The following MACROD2 variants were observed in gnomAD, a reference collection of about 807,000 sequenced individuals.
The protein encoded by MACROD2 is mono-ADP ribosylhydrolase 2, also known as ADP-ribose glycohydrolase MACROD2.
Under a neutral mutation model 70.4 loss-of-function variants are expected in MACROD2, and 36 were observed. That is an observed-to-expected ratio of 0.51 (90% confidence interval 0.39 to 0.68). MACROD2 has a LOEUF of 0.68. Ranked by LOEUF, MACROD2 falls within the 30% of genes least tolerant of loss-of-function variation. MACROD2 has a pLI of 0.00. For synonymous variants in MACROD2, 172 were observed against 178.8 expected (o/e 0.96, Z 0.30); for missense variants, 496 against 538.4 (o/e 0.92, Z 0.78).
intron 2 of MACROD2, among the ~76,000 whole-genome samples, chr20:14,021,697 A>G (rs2053083579): frequency 6.6e-6 from 1 of 152,230 alleles, no homozygotes. Context: ...GGCTAGAACT[A>G]GGTGATATAA....
At chr20:15,353,250 C>T (rs1325621630) in intron 6 of MACROD2, among the ~76,000 whole-genome samples, 5 of 150,416 alleles carry the variant, frequency 3.3e-5, no homozygotes, top group Admixed American at 6.7e-5. Context: ...CAAGAAATGG[C>T]GAAAGGATTC....
At chr20:15,016,152 C>A (rs1192270341) in intron 5 of MACROD2, among the ~76,000 whole-genome samples, 1 of 152,166 alleles carries the variant, frequency 6.6e-6, no homozygotes, top group Non-Finnish European at 1.5e-5. Flanking sequence ...AAGGACAGTT[C>A]ACTTTCTGGG....
chr20:14,090,833 T>C (rs1212932683), intron 3 of MACROD2, among the ~76,000 whole-genome samples: 1 of 152,290 alleles, frequency 6.6e-6, no homozygotes, highest in South Asian at 2.1e-4. Flanking sequence ...GGAACCTCCA[T>C]GGTGTTTTCC....
chr20:15,519,969 GA>G (rs1310402996), intron 8 of MACROD2, among the ~76,000 whole-genome samples: 1 of 152,232 alleles, frequency 6.6e-6, no homozygotes, highest in Non-Finnish European at 1.5e-5. Flanking sequence ...GAGAAGCCTA[GA>G]ACTCCATGCG....
At chr20:15,800,810 A>G (rs905720202) in intron 8 of MACROD2, among the ~76,000 whole-genome samples, 1 of 151,958 alleles carries the variant, frequency 6.6e-6, no homozygotes, top group African/African-American at 2.4e-5. Context: ...AGAAAGAGGT[A>G]GACATGGGAG....
intron 5 of MACROD2, among the ~76,000 whole-genome samples, chr20:14,819,009 A>C (rs955608384): frequency 6.6e-6 from 1 of 151,794 alleles, no homozygotes; most frequent in South Asian, 2.1e-4. Context: ...TCATGCCTGC[A>C]ATCCCAGCAC....
intron 6 of MACROD2, among the ~76,000 whole-genome samples, chr20:15,261,714 A>C (rs992721089): frequency 2.6e-5 from 4 of 151,958 alleles, no homozygotes; most frequent in Admixed American, 2.0e-4. Flanking sequence ...AAATTTGAAC[A>C]ATATTATATT....
intron 6 of MACROD2, 126 bp from the exon 7 acceptor site, chr20:15,431,279 A>AT: frequency 2.5e-6 from 2 of 784,996 alleles, no homozygotes; most frequent in Non-Finnish European, 4.3e-6. Flanking sequence ...CCCCTACTCC[A>AT]ACTCATAGCT....
intron 2 of MACROD2, among the ~76,000 whole-genome samples, chr20:14,080,518 C>CT (rs1401015687): frequency 6.7e-6 from 1 of 149,958 alleles, no homozygotes; most frequent in Non-Finnish European, 1.5e-5. Context: ...TCAAAAAGGC[C>CT]TAAGTGGTCA....
intron 3 of MACROD2, among the ~76,000 whole-genome samples, chr20:14,413,062 A>G (rs1012332042): frequency 6.6e-6 from 1 of 152,154 alleles, no homozygotes; most frequent in African/African-American, 2.4e-5. Flanking sequence ...AAATCTAGCC[A>G]TAGCCTACTA....
chr20:16,044,207 AGCAACGT>A (rs1345879002), intron 16 of MACROD2, among the ~76,000 whole-genome samples: 3 of 152,116 alleles, frequency 2.0e-5, no homozygotes, highest in African/African-American at 7.2e-5. Flanking sequence ...CAAGACTAGA[AGCAACGT>A]GTCACACACT....
intron 8 of MACROD2, among the ~76,000 whole-genome samples, chr20:15,807,290 T>C (rs1223226764): frequency 6.6e-6 from 1 of 152,156 alleles, no homozygotes; most frequent in African/African-American, 2.4e-5. Flanking sequence ...GACCAAAACA[T>C]GGCCTTCGTT....
intron 5 of MACROD2, among the ~76,000 whole-genome samples, chr20:14,742,876 C>T (rs1982653477): frequency 6.6e-6 from 1 of 151,468 alleles, no homozygotes; most frequent in East Asian, 1.9e-4. Flanking sequence ...ACGCCATTCT[C>T]CTGCCTCAGC....
chr20:15,967,683 A>T, intron 13 of MACROD2, 53 bp downstream of exon 13: 158 of 726,744 alleles, frequency 2.2e-4, no homozygotes, highest in Middle Eastern at 1.1e-3. Flanking sequence ...GGGAAACAGA[A>T]AAAAAAAAAA....
intron 8 of MACROD2, among the ~76,000 whole-genome samples, chr20:15,569,878 C>G (rs758466904): frequency 6.6e-6 from 1 of 152,010 alleles, no homozygotes; most frequent in South Asian, 2.1e-4. Flanking sequence ...TTTATTTATT[C>G]GTTCAACTGT....
intron 3 of MACROD2, among the ~76,000 whole-genome samples, chr20:14,112,989 G>C (rs1042510693): frequency 1.3e-5 from 2 of 151,842 alleles, no homozygotes; most frequent in Non-Finnish European, 2.9e-5. Context: ...AAGGATACTT[G>C]ATTAAGAACA....
chr20:14,269,102 T>C (rs2122344052), intron 3 of MACROD2, among the ~76,000 whole-genome samples: 1 of 152,352 alleles, frequency 6.6e-6, no homozygotes, highest in Non-Finnish European at 1.5e-5. Flanking sequence ...GATTTGGTGA[T>C]ACGAGCTGCT....
intron 4 of MACROD2, among the ~76,000 whole-genome samples, chr20:14,601,430 T>G (rs1285192192): frequency 6.6e-6 from 1 of 152,044 alleles, no homozygotes; most frequent in Non-Finnish European, 1.5e-5. Context: ...CCTTCTGCTG[T>G]GGGGCTGGGT....
chr20:14,776,655 T>A (rs1354718263), intron 5 of MACROD2, among the ~76,000 whole-genome samples: 1 of 152,082 alleles, frequency 6.6e-6, no homozygotes, highest in African/African-American at 2.4e-5. Flanking sequence ...CCAAGATCTT[T>A]TTGAAGATGA....
Sources: allele counts gnomAD v4.1 joint callset (sites outside exome capture counted in the v4.1 genomes callset), GRCh38; gene constraint gnomAD v4.1.1; transcripts MANE v1.5; gene names NCBI Gene and HGNC (gene_info 2026-07-23, HGNC 2026-07-21).